The following KLC1 variants were observed in gnomAD, a reference collection of about 807,000 sequenced individuals.
KLC1 encodes the protein kinesin 2 60/70kDa.
Under a neutral mutation model 84.2 loss-of-function variants are expected in KLC1, and 30 were observed. That is an observed-to-expected ratio of 0.36 (90% CI 0.27 to 0.48). The LOEUF is 0.48. Ranked by LOEUF, KLC1 falls within the 20% of genes least tolerant of loss-of-function variation. The pLI, the probability that KLC1 is intolerant of heterozygous loss-of-function variation, is 0.99. For missense variants in KLC1, 499 were observed against 805.4 expected (o/e 0.62, Z 4.60); for synonymous variants, 289 against 293.3 (o/e 0.99, Z 0.15).
intron 1 of KLC1, among the ~76,000 whole-genome samples, chr14:103,654,101 T>C (rs1248622751): frequency 6.6e-6 from 1 of 152,218 alleles, no homozygotes; most frequent in East Asian, 1.9e-4. Context: ...CCTGCTGCTC[T>C]TCCTGTTCCA....
chr14:103,669,068 G>T (rs879415401), intron 5 of KLC1, among the ~76,000 whole-genome samples: 4 of 151,986 alleles, frequency 2.6e-5, no homozygotes, highest in Non-Finnish European at 5.9e-5. Context: ...ATGAGCCACT[G>T]CACCCGGCCC....
intron 15 of KLC1, chr14:103,698,787 C>T (rs1243605686): frequency 1.3e-6 from 2 of 1,582,482 alleles, no homozygotes; most frequent in African/African-American, 2.7e-5. Flanking sequence ...TGTTGTGCAG[C>T]CGCCACCGTG....
At chr14:103,635,779 G>A (rs985700326) in intron 1 of KLC1, among the ~76,000 whole-genome samples, 4 of 151,728 alleles carry the variant, frequency 2.6e-5, no homozygotes, top group Non-Finnish European at 4.4e-5. Context: ...AAGTAAAATA[G>A]GTACTGTTAC....
chr14:103,684,132 A>G (rs1458540592), intron 13 of KLC1: 1 of 152,230 alleles, frequency 6.6e-6, no homozygotes, highest in Non-Finnish European at 1.5e-5. Context: ...AGCCAAGATC[A>G]TGCCACTGCA....
At chr14:103,664,688 T>C (rs983531784) in intron 5 of KLC1, among the ~76,000 whole-genome samples, 1 of 151,970 alleles carries the variant, frequency 6.6e-6, no homozygotes, top group Non-Finnish European at 1.5e-5. Flanking sequence ...CTAAATTTTA[T>C]ATATTTCATA....
intron 1 of KLC1, among the ~76,000 whole-genome samples, chr14:103,630,644 A>G (rs2076602187): frequency 6.6e-6 from 1 of 152,186 alleles, no homozygotes; most frequent in Non-Finnish European, 1.5e-5. Context: ...CTGAAGTTAT[A>G]TTACAGACAT....
chr14:103,632,381 C>A (rs143150593), intron 1 of KLC1, among the ~76,000 whole-genome samples: 2 of 151,798 alleles, frequency 1.3e-5, no homozygotes, highest in African/African-American at 2.4e-5. Context: ...GCCGAGATCA[C>A]GTCACTGCAG....
intron 5 of KLC1, among the ~76,000 whole-genome samples, chr14:103,666,769 T>C (rs375485485): frequency 4.0e-5 from 5 of 126,520 alleles, no homozygotes; most frequent in African/African-American, 1.1e-4. Flanking sequence ...TGGCCATTTT[T>C]TTTCTTTCTT....
chr14:103,673,722 G>C (rs989869891), intron 9 of KLC1, among the ~76,000 whole-genome samples: 3 of 152,096 alleles, frequency 2.0e-5, no homozygotes, highest in Admixed American at 1.3e-4. Context: ...AGGCGATCGA[G>C]ACCATCCTGG....
At chr14:103,679,774 T>A (rs1049247745) in intron 13 of KLC1, 1 of 493,530 alleles carries the variant, frequency 2.0e-6, no homozygotes, top group East Asian at 3.2e-5. Context: ...CTTTGAGCAC[T>A]TAAATGCTGA....
chr14:103,675,799 G>A, intron 11 of KLC1, 43 bp downstream of exon 11: 1 of 1,540,000 alleles, frequency 6.5e-7, no homozygotes, highest in Non-Finnish European at 9.0e-7. Context: ...CAAAAAGCAG[G>A]GGGAAGGTAA....
Position 103,654,610 on chromosome 14 carries a change from T to C in KLC1, c.46T>C (p.Leu16=), listed in dbSNP as rs2151492234. 6.2e-7 allele frequency: 1 copy of C among 1,614,030 alleles called. No homozygotes were observed. Among genetic ancestry groups the C allele is most frequent in the South Asian group, 1.1e-5 (1 of 91,080 alleles). ...AATGGTGTACATAAAGGAAGACAAG[T>C]TGGAGAAGCTTACACAGGATGAAAT... ...STMVYIKEDK[L]EKLTQDEIIS... is the part of the protein sequence containing the mutation. The change falls in exon 2 of 17, where the codon TTG becomes CTG. Residue 16 remains leucine (L), a synonymous_variant. Transcript: ENST00000334553.
chr14:103,677,469 C>G lies in KLC1; in HGVS notation c.1434C>G (p.Gly478=). 6.2e-7 allele frequency: 1 copy of G among 1,614,040 alleles called. No individual in the cohort carries two copies. Among genetic ancestry groups the G allele is most frequent in the Non-Finnish European group, 8.5e-7 (1 of 1,179,976 alleles). Residue 478 remains glycine (G), a synonymous_variant, in exon 12 of 17, where the codon GGC becomes GGG. Coordinates refer to ENST00000334553, the MANE Select transcript of KLC1 (RefSeq NM_001394837.1). Reference sequence around the variant, plus strand: ...TTGGGGCACTTTACAGACGTCAAGGCAAATTTGAAGCTGCAGAAACGTTAG... The same window carrying G: ...TTGGGGCACTTTACAGACGTCAAGGGAAATTTGAAGCTGCAGAAACGTTAG... ...KNLGALYRRQ[G]KFEAAETLEE...
At chr14:103,698,887 GC>G in intron 15 of KLC1, 1 of 1,604,676 alleles carries the variant, frequency 6.2e-7, no homozygotes, top group Non-Finnish European at 8.5e-7. Flanking sequence ...GGGGCAGAGA[GC>G]ACCCGCAGGG....
chr14:103,695,830 G>C, intron 15 of KLC1: 1 of 985,390 alleles, frequency 1.0e-6, no homozygotes, highest in Non-Finnish European at 1.2e-6. Context: ...CCTGAAGCCA[G>C]CTCATAAAGG....
In KLC1 at chr14:103,696,105, G is replaced by A. The variant is rs865925129; in HGVS notation, c.1848+3680G>A. On this transcript the variant is annotated intron_variant, in intron 15 of 16. Coordinates refer to ENST00000334553, the MANE Select transcript of KLC1 (RefSeq NM_001394837.1). ...AATAATCACTGCGCCCCCGCCCCCC[G>A]CCCCCCCCCACAGCAGCCGTGTGTG... The A allele has an allele frequency of 2.1e-3, 807 of 380,550 alleles. 16 individuals carry two copies. In the African/African-American group the frequency reaches 0.024, roughly 11 times the overall value. The allele number at this position is 380,550 out of a possible 1,614,324, so 23.6% of individuals were successfully genotyped here.
intron 3 of KLC1, among the ~76,000 whole-genome samples, 166 bp from the exon 4 acceptor site, chr14:103,661,950 T>G (rs1661304939): frequency 6.6e-6 from 1 of 152,238 alleles, no homozygotes; most frequent in African/African-American, 2.4e-5. Context: ...ATTACTCCTG[T>G]TCAACTGATG....
At position 103,694,806 on chromosome 14, in the gene KLC1, C is replaced by T. The variant is rs1448237190; in HGVS notation, c.1848+2381C>T. The T allele has an allele frequency of 1.9e-5, 19 of 985,514 alleles. No individual in the cohort carries two copies. Among genetic ancestry groups the T allele is most frequent in the Non-Finnish European group, 2.3e-5 (19 of 829,954 alleles). 61.0% of individuals were successfully genotyped at this position (985,514 alleles called of 1,614,324 possible). ...AGAAGCTCCCCGTGGGGCACGAAGG[C>T]TGGGGACAGAGTGTCCTGAGGTTTT... On this transcript the variant is annotated intron_variant, in intron 15 of 16. Coordinates refer to ENST00000334553, the MANE Select transcript of KLC1 (RefSeq NM_001394837.1). The surrounding 1 kb of genome is among the most constrained non-coding windows in gnomAD (Gnocchi z 4.5).
At chr14:103,644,143 A>C (rs142717325) in intron 1 of KLC1, among the ~76,000 whole-genome samples, 7,849 of 134,436 alleles carry the variant, frequency 0.058, 235 homozygotes, top group Middle Eastern at 0.12. Context: ...TGAACCTGGG[A>C]GGCGGAGCTT....
Sources: allele counts gnomAD v4.1 joint callset (sites outside exome capture counted in the v4.1 genomes callset), GRCh38; gene constraint gnomAD v4.1.1; non-coding constraint Gnocchi (gnomAD v3.1); transcripts MANE v1.5; gene names NCBI Gene and HGNC (gene_info 2026-07-23, HGNC 2026-07-21).